NKIRAS1: variants seen among roughly 807,000 people sequenced by gnomAD.
NKIRAS1 encodes NFKB inhibitor interacting Ras like 1, also known as NF-kappa-B inhibitor-interacting Ras-like protein 1.
In NKIRAS1, 16 loss-of-function variants were observed where a neutral mutation model predicts 19.8. The ratio of observed to expected loss-of-function variants is 0.81; its 90% CI spans 0.55 to 1.23. NKIRAS1 has a LOEUF of 1.23. Ranked by LOEUF, NKIRAS1 falls within the 50% of genes most tolerant of loss-of-function variation. NKIRAS1 has a pLI of 0.00. For synonymous variants in NKIRAS1, 88 were observed against 79.0 expected, an observed-to-expected ratio of 1.11 and a Z score of -0.61; for missense variants, 184 against 220.0, an observed-to-expected ratio of 0.84 and a Z score of 1.04.
At chr3:23,909,432 AAGG>A (rs1253854213) in intron 3 of NKIRAS1, among the ~76,000 whole-genome samples, 3 of 152,174 alleles carry the variant, frequency 2.0e-5, no homozygotes, top group African/African-American at 4.8e-5. Flanking sequence ...GAGGCTGAGA[AAGG>A]AGAATTGGCT....
Position 23,890,099 on chromosome 3 carries a change from C to CT in NKIRAS1, c.*2995dup, listed in dbSNP as rs1369283288. 2.0e-5 allele frequency among the ~76,000 whole-genome samples: 3 copies of CT among 152,158 alleles called. No homozygotes were observed. The highest frequency in any genetic ancestry group is 2.9e-5 in the Non-Finnish European group (2 of 68,028). ...TGTTGCACTGCAACAGCCCCGAAGA[C>CT]TTCACAGTATTCACAATGCCGTTAA... On this transcript the variant is annotated 3_prime_UTR_variant, in exon 5 of 5. Coordinates refer to ENST00000425478, the MANE Select transcript of NKIRAS1 (RefSeq NM_020345.4).
At chr3:23,915,009 C>G (rs1704182636) in intron 1 of NKIRAS1, among the ~76,000 whole-genome samples, 1 of 152,218 alleles carries the variant, frequency 6.6e-6, no homozygotes, top group African/African-American at 2.4e-5. Context: ...GGGTGAGGCA[C>G]CATGTTCTCT....
At chr3:23,917,722 C>T (rs1054105156), upstream of NKIRAS1, 5 of 919,354 alleles carry the variant, frequency 5.4e-6, no homozygotes, top group Non-Finnish European at 8.1e-6. Context: ...CTGTCCCCGG[C>T]AGTTGGTGCA....
chr3:23,914,168 G>A (rs1704056217), intron 1 of NKIRAS1, among the ~76,000 whole-genome samples: 2 of 68,482 alleles, frequency 2.9e-5, no homozygotes, highest in Non-Finnish European at 5.6e-5. Flanking sequence ...TCCAACTTGA[G>A]GCTAAAAAAA....
At chr3:23,901,143 T>C (rs2125379475) in intron 3 of NKIRAS1, 94 bp from the exon 4 acceptor site, 1 of 1,323,342 alleles carries the variant, frequency 7.6e-7, no homozygotes, top group African/African-American at 1.5e-5. Flanking sequence ...TCTAGGTTTC[T>C]TATTTACCAC....
chr3:23,914,941 C>G (rs758669051), intron 1 of NKIRAS1, among the ~76,000 whole-genome samples: 1 of 152,206 alleles, frequency 6.6e-6, no homozygotes, highest in Non-Finnish European at 1.5e-5. Flanking sequence ...TCATCCTCAC[C>G]TTTGAAATAC....
chr3:23,944,327 T>C (rs1411220844), intron 1 of NKIRAS1, among the ~76,000 whole-genome samples: 4 of 152,110 alleles, frequency 2.6e-5, no homozygotes, highest in African/African-American at 9.7e-5. Context: ...CCTTCTATAG[T>C]GAAGAATTTC....
intron 4 of NKIRAS1, among the ~76,000 whole-genome samples, chr3:23,897,997 T>G (rs1702145643): frequency 6.6e-6 from 1 of 152,134 alleles, no homozygotes; most frequent in African/African-American, 2.4e-5. Flanking sequence ...TTATTCTCCT[T>G]TTACAGATAA....
At chr3:23,921,547 C>G, upstream of NKIRAS1, 2 of 678,174 alleles carry the variant, frequency 2.9e-6, no homozygotes, top group Non-Finnish European at 5.3e-6. Context: ...GCATGTAATT[C>G]ACACAGCAAC....
At position 23,895,500 on chromosome 3, in the gene NKIRAS1, C is replaced by G. The variant is rs112846042; in HGVS notation, c.337-2163G>C. On this transcript the variant is annotated intron_variant, in intron 4 of 4. Transcript: ENST00000425478. ...CACTCATGTCCTTAATTCCTCCCTA[C>G]CCAGCTTAGATTATTTTTATTCACT... 2.2e-3 allele frequency among the ~76,000 whole-genome samples: 340 copies of G among 152,278 alleles called. 1 individual carries two copies. The highest frequency in any genetic ancestry group is 7.6e-3 in the African/African-American group (315 of 41,550).
intron 1 of NKIRAS1, among the ~76,000 whole-genome samples, chr3:23,942,268 C>T (rs911876616): frequency 3.3e-5 from 5 of 152,018 alleles, no homozygotes; most frequent in African/African-American, 9.7e-5. Context: ...CGTGAGCCAC[C>T]GCGCCTGGCC....
At chr3:23,936,691 T>C (rs891354964) in intron 1 of NKIRAS1, among the ~76,000 whole-genome samples, 2 of 152,038 alleles carry the variant, frequency 1.3e-5, no homozygotes, top group Non-Finnish European at 1.5e-5. Flanking sequence ...GGACCACAGG[T>C]GCGTGCCACC....
At chr3:23,924,588 C>T (rs1456736841) in intron 1 of NKIRAS1, among the ~76,000 whole-genome samples, 3 of 151,986 alleles carry the variant, frequency 2.0e-5, no homozygotes, top group South Asian at 2.1e-4. Flanking sequence ...TTAGTAGAGG[C>T]GGGTTTGCAC....
At chr3:23,919,861 T>C (rs1442961824), upstream of NKIRAS1, 1 of 1,009,664 alleles carries the variant, frequency 9.9e-7, no homozygotes, top group East Asian at 9.8e-5. Context: ...GTGATGGCAA[T>C]GCTCTGCTGG....
At chr3:23,911,091 C>CCATTTCCT (rs1703658237) in intron 2 of NKIRAS1, among the ~76,000 whole-genome samples, 170 bp from the exon 3 acceptor site, 1 of 152,134 alleles carries the variant, frequency 6.6e-6, no homozygotes, top group Non-Finnish European at 1.5e-5. Flanking sequence ...CCCCAGTCTC[C>CCATTTCCT]CATTTCCTCC....
chr3:23,935,561 A>G (rs924123753), intron 1 of NKIRAS1, among the ~76,000 whole-genome samples: 2 of 152,126 alleles, frequency 1.3e-5, no homozygotes, highest in African/African-American at 2.4e-5. Context: ...AACTGGCACT[A>G]TAGGCACGTG....
Position 23,898,291 on chromosome 3 carries a change from A to G in NKIRAS1, c.336+2517T>C, listed in dbSNP as rs1702180284. ...ATCAATAACCCAGATGTCCTACAAC[A>G]GATAAATGGTTAAAAAGAGTTTGGT... On this transcript the variant is annotated intron_variant, in intron 4 of 4. Transcript: ENST00000425478. 2.0e-5 allele frequency among the ~76,000 whole-genome samples: 3 copies of G among 152,218 alleles called. No individual in the cohort carries two copies. The South Asian group carries it at 6.2e-4, about 31-fold the overall frequency.
intron 1 of NKIRAS1, among the ~76,000 whole-genome samples, chr3:23,911,952 CG>C (rs1435779396): frequency 6.6e-6 from 1 of 151,908 alleles, no homozygotes; most frequent in East Asian, 1.9e-4. Flanking sequence ...TTAGTAGAGA[CG>C]GGGTTTCACT....
At position 23,908,402 on chromosome 3, in the gene NKIRAS1, T is replaced by C. The variant is rs145410409; in HGVS notation, c.94+2409A>G. Among the ~76,000 whole-genome samples the C allele has an allele frequency of 6.2e-4, 94 of 152,322 alleles. 1 individual carries two copies. The highest frequency in any genetic ancestry group is 8.8e-5 in the Non-Finnish European group (6 of 68,032). ...CCTGAAAAGGCTATTAAAGTATTCC[T>C]CCTACCTTTTCCAACTACATATCTG... On this transcript the variant is annotated intron_variant, in intron 3 of 4. Coordinates refer to ENST00000425478, the MANE Select transcript of NKIRAS1 (RefSeq NM_020345.4).
Sources: gnomAD v4.1 joint callset for allele counts (sites outside exome capture counted in the v4.1 genomes callset) on GRCh38, gnomAD v4.1.1 for gene constraint, MANE v1.5 for transcripts, NCBI Gene and HGNC (gene_info 2026-07-23, HGNC 2026-07-21) for gene names.